The following TTC39B variants were observed in gnomAD, a reference collection of about 807,000 sequenced individuals.
The protein encoded by TTC39B is tetratricopeptide repeat protein 39B.
A neutral mutation model predicts 96.6 loss-of-function variants in TTC39B; 92 were observed. That is an observed-to-expected ratio of 0.95 (90% CI 0.80 to 1.13). The LOEUF is 1.13. Ranked by LOEUF, TTC39B falls within the 50% of genes most tolerant of loss-of-function variation. The pLI is 0.00. For synonymous variants in TTC39B, 367 were observed against 299.4 expected (o/e 1.23, Z -2.33); for missense variants, 955 against 809.3 (o/e 1.18, Z -2.18).
intron 17 of TTC39B, among the ~76,000 whole-genome samples, chr9:15,181,089 T>C (rs1818224392): frequency 6.6e-6 from 1 of 152,168 alleles, no homozygotes. Flanking sequence ...TCTGATAAAA[T>C]ATATTTCCCC....
intron 1 of TTC39B, among the ~76,000 whole-genome samples, chr9:15,289,934 C>G (rs1824122234): frequency 6.6e-6 from 1 of 152,042 alleles, no homozygotes; most frequent in Non-Finnish European, 1.5e-5. Context: ...CCCTTGACCC[C>G]CCTGATGATG....
At chr9:15,200,026 A>G (rs924481596) in intron 7 of TTC39B, 101 bp from the exon 8 acceptor site, 1 of 617,298 alleles carries the variant, frequency 1.6e-6, no homozygotes. Flanking sequence ...AAACAAACAA[A>G]CAAAAAAAAG....
exon 15 of TTC39B, chr9:15,186,953 G>C (rs764381134): frequency 6.2e-7 from 1 of 1,613,478 alleles, no homozygotes; most frequent in African/African-American, 1.3e-5. Context: ...CCTGAATAAA[G>C]TTACCACATT....
At chr9:15,175,096 G>T in exon 19 of TTC39B, 1 of 1,613,588 alleles carries the variant, frequency 6.2e-7, no homozygotes, top group South Asian at 1.1e-5. Flanking sequence ...CAAATAGAGT[G>T]AACGGCACTA....
At chr9:15,278,451 G>A (rs998525335) in intron 1 of TTC39B, among the ~76,000 whole-genome samples, 2 of 152,138 alleles carry the variant, frequency 1.3e-5, no homozygotes, top group African/African-American at 4.8e-5. Flanking sequence ...CTAAGTTACT[G>A]CTTTTATGGC....
At chr9:15,199,155 G>C (rs1327868938) in intron 8 of TTC39B, among the ~76,000 whole-genome samples, 3 of 152,148 alleles carry the variant, frequency 2.0e-5, no homozygotes, top group African/African-American at 7.2e-5. Flanking sequence ...AATCAATAAG[G>C]ATATGAACAA....
intron 6 of TTC39B, 116 bp from the exon 7 acceptor site, chr9:15,204,006 ATT>A (rs989885858): frequency 5.9e-6 from 5 of 841,540 alleles, no homozygotes; most frequent in Admixed American, 5.9e-5. Flanking sequence ...CAAAACTTAG[ATT>A]GCCCTTGTGC....
chr9:15,235,872 A>G (rs1821754797), intron 2 of TTC39B, among the ~76,000 whole-genome samples: 1 of 152,226 alleles, frequency 6.6e-6, no homozygotes, highest in Non-Finnish European at 1.5e-5. Context: ...ACGTAAGTGC[A>G]AAGCTCACAG....
intron 6 of TTC39B, among the ~76,000 whole-genome samples, chr9:15,204,631 C>G (rs1819742564): frequency 6.6e-6 from 1 of 151,900 alleles, no homozygotes; most frequent in Admixed American, 6.6e-5. Context: ...GTATGGTAAC[C>G]ATGACACTAA....
chr9:15,183,647 T>C (rs1047707314), intron 16 of TTC39B, among the ~76,000 whole-genome samples: 4 of 152,194 alleles, frequency 2.6e-5, no homozygotes, highest in Non-Finnish European at 5.9e-5. Flanking sequence ...GATGATAGTC[T>C]AGAAAATTTT....
intron 13 of TTC39B, among the ~76,000 whole-genome samples, chr9:15,188,733 T>A (rs201734922): frequency 3.0e-4 from 18 of 60,438 alleles, no homozygotes; most frequent in Admixed American, 1.2e-3. Context: ...TGGAAAAAAA[T>A]ATTTTTATAT....
At position 15,272,066 on chromosome 9, in the gene TTC39B, A is replaced by C. The variant is rs116984956; in HGVS notation, c.241-4118T>G. On this transcript the variant is annotated intron_variant, in intron 1 of 19. Transcript: ENST00000512701. ...ATCTGTTCCATATCCCTACAGAAAG[A>C]CCAGTGCTTCCTTTCCCTCCTGTCT... 6.2e-3 allele frequency among the ~76,000 whole-genome samples: 939 copies of C among 152,230 alleles called. 7 individuals are homozygous for C. Among genetic ancestry groups the C allele is most frequent in the Admixed American group, 8.8e-3 (134 of 15,300 alleles).
chr9:15,191,102 A>G (rs188526945), intron 10 of TTC39B, 88 bp downstream of exon 10: 1 of 862,318 alleles, frequency 1.2e-6, no homozygotes, highest in East Asian at 2.5e-5. Context: ...TTATCAAGGT[A>G]GTTATGCAGA....
At chr9:15,285,335 G>A (rs988173034) in intron 1 of TTC39B, among the ~76,000 whole-genome samples, 1 of 150,558 alleles carries the variant, frequency 6.6e-6, no homozygotes, top group Non-Finnish European at 1.5e-5. Context: ...TCAGTCTCTA[G>A]ACAACTTTTT....
chr9:15,210,662 C>T (rs1265511565), intron 5 of TTC39B, among the ~76,000 whole-genome samples: 4 of 152,124 alleles, frequency 2.6e-5, no homozygotes, highest in Non-Finnish European at 5.9e-5. Context: ...TCCTCCCATC[C>T]ATCTGATCAG....
At chr9:15,212,195 T>C (rs1337720359) in intron 4 of TTC39B, among the ~76,000 whole-genome samples, 1 of 152,220 alleles carries the variant, frequency 6.6e-6, no homozygotes, top group Admixed American at 6.5e-5. Flanking sequence ...GCAAAACAAA[T>C]GCAAGCCACA....
At chr9:15,267,390 T>C (rs1823174819) in intron 2 of TTC39B, among the ~76,000 whole-genome samples, 1 of 152,258 alleles carries the variant, frequency 6.6e-6, no homozygotes, top group Admixed American at 6.5e-5. Flanking sequence ...TGTTAACCTT[T>C]AGAAATAATT....
exon 6 of TTC39B, chr9:15,210,095 C>A: frequency 6.2e-7 from 1 of 1,602,948 alleles, no homozygotes; most frequent in South Asian, 1.1e-5. Flanking sequence ...TACCTTCACT[C>A]AGTTGCTCCA....
At chr9:15,277,419 CG>C (rs1358359579) in intron 1 of TTC39B, among the ~76,000 whole-genome samples, 1 of 152,140 alleles carries the variant, frequency 6.6e-6, no homozygotes, top group Non-Finnish European at 1.5e-5. Context: ...CAAGAAACTC[CG>C]TCTAAAAACA....
Sources: gnomAD v4.1 joint callset for allele counts (sites outside exome capture counted in the v4.1 genomes callset) on GRCh38, gnomAD v4.1.1 for gene constraint, MANE v1.5 for transcripts, NCBI Gene and HGNC (gene_info 2026-07-23, HGNC 2026-07-21) for gene names.